Variants in MS4A5 observed in about 807,000 individuals in gnomAD.
MS4A5 encodes membrane spanning 4-domains A5, also known as membrane-spanning 4-domains subfamily A member 5.
Under a neutral mutation model 18.2 loss-of-function variants are expected in MS4A5, and 15 were observed. The ratio of observed to expected loss-of-function variants is 0.83; its 90% CI spans 0.55 to 1.27. The LOEUF (loss-of-function observed/expected upper bound fraction) is 1.27. Among genes scored for constraint, MS4A5 ranks in the 50% most tolerant of loss-of-function variants. The pLI is 0.00. For missense variants in MS4A5, 232 were observed against 225.7 expected, an observed-to-expected ratio of 1.03 and a Z score of -0.18; for synonymous variants, 89 against 78.7, an observed-to-expected ratio of 1.13 and a Z score of -0.69.
intron 4 of MS4A5, among the ~76,000 whole-genome samples, chr11:60,439,211 ACAAAAT>A (rs1476717009): frequency 7.9e-6 from 1 of 127,178 alleles, no homozygotes; most frequent in Non-Finnish European, 1.6e-5. Context: ...AAAGCCTTTG[ACAAAAT>A]TCAACAACCC....
rs765268688 is a variant in MS4A5, at chr11:60,430,876, G to C, written c.234G>C (p.Arg78Ser). The C allele has an allele frequency of 1.2e-6, 2 of 1,613,118 alleles. No homozygotes were observed. The highest frequency in any genetic ancestry group is 1.7e-6 in the Non-Finnish European group (2 of 1,179,860). Residue 78 changes from arginine (R) to serine (S), a missense_variant, in exon 2 of 5, where the codon AGG becomes AGC. Physicochemically the swap from Arg to Ser is moderately radical, Grantham distance 110. Coordinates refer to ENST00000300190, the MANE Select transcript of MS4A5 (RefSeq NM_023945.3). ...TCACCTTGTTAAAACCATATCCAAGGTTTCCCTTTATATTTCTTTCAGGAT... is the reference window on the plus strand; with the variant it reads ...TCACCTTGTTAAAACCATATCCAAGCTTTCCCTTTATATTTCTTTCAGGAT... ...FLFTLLKPYP[R>S]FPFIFLSGYP...
chr11:60,446,784 C>T (rs995452799), intron 4 of MS4A5, among the ~76,000 whole-genome samples: 6 of 151,530 alleles, frequency 4.0e-5, no homozygotes, highest in Admixed American at 1.3e-4. Flanking sequence ...GAACTACTAG[C>T]GTATGCTTCT....
intron 4 of MS4A5, among the ~76,000 whole-genome samples, chr11:60,437,578 T>A (rs1263103935): frequency 3.3e-5 from 5 of 150,948 alleles, no homozygotes; most frequent in East Asian, 3.9e-4. Flanking sequence ...ATGGAGGAAG[T>A]TCTACCAAGC....
At chr11:60,442,867 G>A (rs535097589) in intron 4 of MS4A5, among the ~76,000 whole-genome samples, 3 of 152,276 alleles carry the variant, frequency 2.0e-5, no homozygotes, top group East Asian at 1.9e-4. Flanking sequence ...ATAGCCAGGC[G>A]CAGTGGCTCA....
At position 60,444,896 on chromosome 11, in the gene MS4A5, G is replaced by A. The variant is rs557050723; in HGVS notation, c.493-2753G>A. 5.9e-5 allele frequency among the ~76,000 whole-genome samples: 9 copies of A among 152,296 alleles called. 1 individual carries two copies. The South Asian group carries it at 1.9e-3, about 32-fold the overall frequency. On this transcript the variant is annotated intron_variant, in intron 4 of 4. Transcript: ENST00000300190. Reference sequence around the variant, plus strand: ...AAAGTTAATCATACACCTACTTTATGTCTCATGATATAGACAAAAATGTTT... The same window carrying A: ...AAAGTTAATCATACACCTACTTTATATCTCATGATATAGACAAAAATGTTT...
At chr11:60,439,565 A>C (rs2086099314) in intron 4 of MS4A5, among the ~76,000 whole-genome samples, 1 of 64,784 alleles carries the variant, frequency 1.5e-5, no homozygotes, top group Non-Finnish European at 3.1e-5. Context: ...CTGATCAGCA[A>C]CTTCAGCAAA....
At chr11:60,447,532 T>G in intron 4 of MS4A5, 117 bp from the exon 5 acceptor site, 26 of 613,308 alleles carry the variant, frequency 4.2e-5, no homozygotes, top group East Asian at 8.5e-5. Context: ...CAGATACACT[T>G]GAGATATTTG....
intron 4 of MS4A5, among the ~76,000 whole-genome samples, chr11:60,436,166 C>T (rs2086079312): frequency 6.6e-6 from 1 of 151,842 alleles, no homozygotes; most frequent in Non-Finnish European, 1.5e-5. Context: ...CAGGGGCACA[C>T]TGACACCTCA....
chr11:60,434,005 T>G lies in MS4A5; in HGVS notation c.492+88T>G, dbSNP rs1469571467. The G allele has an allele frequency of 7.8e-5, 87 of 1,114,162 alleles. 1 individual carries two copies. The highest frequency in any genetic ancestry group is 2.6e-6 in the Non-Finnish European group (2 of 772,448). 69.0% of individuals were successfully genotyped at this position (1,114,162 alleles called of 1,614,324 possible). ...TCAATCAGCACCATTCAGATCATGT[T>G]GTGGACACATGTATTTTCTTTTACT... On this transcript the variant is annotated intron_variant, in intron 4 of 4. Transcript: ENST00000300190.
chr11:60,436,479 A>G (rs1282169823), intron 4 of MS4A5, among the ~76,000 whole-genome samples: 1 of 137,926 alleles, frequency 7.3e-6, no homozygotes, highest in African/African-American at 2.5e-5. Flanking sequence ...ACTCTGAGCT[A>G]TGGGAGGACA....
Position 60,430,651 on chromosome 11 carries a change from G to C in MS4A5, c.154-145G>C, listed in dbSNP as rs115037760. The C allele has an allele frequency of 1.4e-3, 1,163 of 848,266 alleles. 4 individuals carry two copies. The African/African-American group carries it at 0.018, about 13-fold the overall frequency. 52.5% of individuals were successfully genotyped at this position (848,266 alleles called of 1,614,324 possible). ...AGAGGAATTAAGAAAGTACCCAGGA[G>C]CATCATAAAGGGACTTCTATTATTC... On this transcript the variant is annotated intron_variant, in intron 1 of 4. Coordinates refer to ENST00000300190, the MANE Select transcript of MS4A5 (RefSeq NM_023945.3).
chr11:60,434,319 G>T (rs1244924862), intron 4 of MS4A5, among the ~76,000 whole-genome samples: 1 of 152,132 alleles, frequency 6.6e-6, no homozygotes, highest in African/African-American at 2.4e-5. Context: ...AGATTGAAAA[G>T]GGGCATTTAT....
intron 4 of MS4A5, among the ~76,000 whole-genome samples, chr11:60,443,906 C>T (rs2135179867): frequency 6.6e-6 from 1 of 152,268 alleles, no homozygotes; most frequent in East Asian, 1.9e-4. Context: ...TGCAAAACCA[C>T]CCGCCATGAC....
In MS4A5 at chr11:60,430,832, T is replaced by C; in HGVS notation, c.190T>C (p.Phe64Leu). ...QILFGIMTFS[F>L]GVIFLFTLLK... ...CCTGTTTGGAATTATGACCTTTTCT[T>C]TTGGAGTTATCTTCCTTTTCACCTT... is the stretch of plus-strand genomic sequence containing the variant. Residue 64 changes from phenylalanine to leucine, a missense_variant, in exon 2 of 5, where the codon TTT becomes CTT. Coordinates refer to ENST00000300190, the MANE Select transcript of MS4A5 (RefSeq NM_023945.3). 1 of 1,613,490 alleles carries C rather than the reference T, an allele frequency of 6.2e-7. No individual in the cohort carries two copies.
intron 4 of MS4A5, among the ~76,000 whole-genome samples, chr11:60,436,861 C>T (rs1354627342): frequency 7.4e-6 from 1 of 134,288 alleles, no homozygotes; most frequent in Non-Finnish European, 1.7e-5. Context: ...GGATATTATC[C>T]AGGAGAACTT....
chr11:60,446,728 C>T lies in MS4A5; in HGVS notation c.493-921C>T, dbSNP rs566415275. On this transcript the variant is annotated intron_variant, in intron 4 of 4. Coordinates refer to ENST00000300190, the MANE Select transcript of MS4A5 (RefSeq NM_023945.3). ...AGCCTGGCTGATAAGAGTGAAACTC[C>T]GTCTCAAAAAAAAAAAAAAGACAAA... 7.4e-5 allele frequency among the ~76,000 whole-genome samples: 11 copies of T among 148,180 alleles called. No individual in the cohort carries two copies. In the South Asian group the frequency reaches 1.9e-3, roughly 26 times the overall value.
chr11:60,446,603 G>A (rs77182118), intron 4 of MS4A5, among the ~76,000 whole-genome samples: 1,708 of 152,076 alleles, frequency 0.011, 78 homozygotes, highest in Admixed American at 0.086. Context: ...TTTGGTGGTG[G>A]GCACCTGTAA....
chr11:60,434,273 G>C (rs2086066896), intron 4 of MS4A5, among the ~76,000 whole-genome samples: 1 of 152,064 alleles, frequency 6.6e-6, no homozygotes, highest in Non-Finnish European at 1.5e-5. Context: ...TTCTTGATTT[G>C]GTTTTAACAG....
intron 4 of MS4A5, among the ~76,000 whole-genome samples, chr11:60,434,870 C>T (rs76914923): frequency 0.053 from 8,093 of 152,280 alleles, 284 homozygotes; most frequent in South Asian, 0.16. Flanking sequence ...TTCACATCCA[C>T]TCAAAGTATA....
Sources: allele counts gnomAD v4.1 joint callset (sites outside exome capture counted in the v4.1 genomes callset), GRCh38; gene constraint gnomAD v4.1.1; transcripts MANE v1.5; gene names NCBI Gene and HGNC (gene_info 2026-07-23, HGNC 2026-07-21).